EYA2: variants seen among roughly 807,000 people sequenced by gnomAD.
EYA2 encodes the protein protein phosphatase EYA2.
EYA2 carries 31 observed loss-of-function variants against 69.2 expected under a neutral mutation model. That is an observed-to-expected ratio of 0.45 (90% CI 0.34 to 0.60). The LOEUF is 0.60. Among genes scored for constraint, EYA2 ranks in the 20% least tolerant of loss-of-function variants. The pLI is 0.02. For missense variants in EYA2, 622 were observed against 701.2 expected, an observed-to-expected ratio of 0.89 and a Z score of 1.28; for synonymous variants, 257 against 279.4, an observed-to-expected ratio of 0.92 and a Z score of 0.80.
At chr20:46,902,521 C>T (rs1289170442) in intron 1 of EYA2, among the ~76,000 whole-genome samples, 1 of 152,206 alleles carries the variant, frequency 6.6e-6, no homozygotes, top group Non-Finnish European at 1.5e-5. Flanking sequence ...GGATTAAACC[C>T]AGTTTTGATT....
chr20:47,187,349 AAAAGAAAG>A (rs569873268), intron 15 of EYA2, among the ~76,000 whole-genome samples: 12 of 151,572 alleles, frequency 7.9e-5, no homozygotes, highest in Non-Finnish European at 1.8e-4. Context: ...AGCCTGTCTC[AAAAGAAAG>A]AAAGAAAGAA....
intron 11 of EYA2, among the ~76,000 whole-genome samples, chr20:47,171,029 C>T (rs2034309442): frequency 6.6e-6 from 1 of 152,236 alleles, no homozygotes. Context: ...TCAGGACTGG[C>T]AAGGAGCAAA....
At position 47,020,955 on chromosome 20, in the gene EYA2, G is replaced by A. The variant is rs111981801; in HGVS notation, c.415+4658G>A. Among the ~76,000 whole-genome samples the A allele has an allele frequency of 2.5e-4, 38 of 152,160 alleles. 2 individuals carry two copies. The highest frequency in any genetic ancestry group is 8.4e-4 in the African/African-American group (35 of 41,506). On this transcript the variant is annotated intron_variant, in intron 5 of 15. Transcript: ENST00000327619. ...TCAGGTTGAGTTAACCTCCAAATAC[G>A]GCTGCAAACCAGCCCTGTGACCTTG... is the stretch of plus-strand genomic sequence containing the variant.
At chr20:46,986,098 T>C (rs926579396) in intron 1 of EYA2, among the ~76,000 whole-genome samples, 3 of 152,014 alleles carry the variant, frequency 2.0e-5, no homozygotes, top group Non-Finnish European at 4.4e-5. Flanking sequence ...ATACAATGTC[T>C]ACCATTTGCT....
At chr20:47,102,091 C>A (rs1335369101) in intron 9 of EYA2, among the ~76,000 whole-genome samples, 2 of 152,212 alleles carry the variant, frequency 1.3e-5, no homozygotes, top group African/African-American at 4.8e-5. Context: ...GATGTTTAAG[C>A]AATGTTCTTA....
At chr20:46,926,489 G>C (rs1047880169) in intron 1 of EYA2, among the ~76,000 whole-genome samples, 2 of 152,184 alleles carry the variant, frequency 1.3e-5, no homozygotes, top group African/African-American at 4.8e-5. Flanking sequence ...GAAAAGAAGG[G>C]AGAAATTCCT....
intron 1 of EYA2, among the ~76,000 whole-genome samples, chr20:46,902,986 T>C (rs1984187931): frequency 6.6e-6 from 1 of 152,252 alleles, no homozygotes; most frequent in African/African-American, 2.4e-5. Context: ...GGACATTTCG[T>C]ATACCATTTC....
At chr20:47,055,563 C>G (rs1366867142) in intron 5 of EYA2, among the ~76,000 whole-genome samples, 1 of 152,182 alleles carries the variant, frequency 6.6e-6, no homozygotes, top group Non-Finnish European at 1.5e-5. Flanking sequence ...GATGACCTCT[C>G]TGACCTCCTC....
chr20:47,082,510 A>C (rs898199778), intron 7 of EYA2, among the ~76,000 whole-genome samples: 1 of 152,236 alleles, frequency 6.6e-6, no homozygotes, highest in Non-Finnish European at 1.5e-5. Flanking sequence ...CTCAAGGTTA[A>C]ATTTGGCAAA....
intron 1 of EYA2, among the ~76,000 whole-genome samples, chr20:46,922,586 G>A (rs749739908): frequency 2.0e-5 from 3 of 152,102 alleles, no homozygotes; most frequent in African/African-American, 4.8e-5. Flanking sequence ...CTAATAAATA[G>A]GTAAATAAGT....
intron 12 of EYA2, among the ~76,000 whole-genome samples, chr20:47,175,859 C>T (rs1213280304): frequency 1.3e-5 from 2 of 152,244 alleles, no homozygotes; most frequent in Admixed American, 6.5e-5. Context: ...AAACCAGAGG[C>T]CGTGTGTTCT....
intron 1 of EYA2, among the ~76,000 whole-genome samples, chr20:46,899,770 G>A (rs2146209130): frequency 6.6e-6 from 1 of 152,336 alleles, no homozygotes; most frequent in East Asian, 1.9e-4. Context: ...CGGGTCAGTG[G>A]GGGCTGAGAG....
At chr20:46,987,964 C>CTATATATATATATATATA (rs71183225) in intron 1 of EYA2, among the ~76,000 whole-genome samples, 11 of 11,266 alleles carry the variant, frequency 9.8e-4, no homozygotes, top group Admixed American at 1.5e-3. Context: ...CTCTCTCTCT[C>CTATATATATATATATATA]TATATATATA....
chr20:46,910,639 G>C (rs1984598254), intron 1 of EYA2, among the ~76,000 whole-genome samples: 3 of 152,162 alleles, frequency 2.0e-5, no homozygotes, highest in Admixed American at 2.0e-4. Flanking sequence ...TGGTCAGCCT[G>C]GATTTCTTTT....
At chr20:46,987,964 C>CTCTCTATATA (rs1555809797) in intron 1 of EYA2, among the ~76,000 whole-genome samples, 8 of 11,270 alleles carry the variant, frequency 7.1e-4, no homozygotes, top group Non-Finnish European at 8.4e-4. Context: ...CTCTCTCTCT[C>CTCTCTATATA]TATATATATA....
chr20:47,144,172 A>G (rs954162822), intron 10 of EYA2, among the ~76,000 whole-genome samples: 24 of 152,292 alleles, frequency 1.6e-4, no homozygotes, highest in African/African-American at 5.3e-4. Flanking sequence ...CCTGGCTAAC[A>G]TGGCGAAACC....
Position 47,100,505 on chromosome 20 carries a change from T to G in EYA2, c.888+3337T>G, listed in dbSNP as rs1347888727. Among the ~76,000 whole-genome samples, 3 of 152,294 alleles carry G rather than the reference T, an allele frequency of 2.0e-5. No individual in the cohort carries two copies. In the East Asian group the frequency reaches 5.8e-4, roughly 29 times the overall value. On this transcript the variant is annotated intron_variant, in intron 9 of 15. Transcript: ENST00000327619. The stretch of plus-strand genomic sequence containing the variant: ...CTAGAATTACAGAATCATAGAAGAT[T>G]AGAGCTGGAAGGACTTGAGAGATCA...
chr20:47,072,172 C>T lies in EYA2; in HGVS notation c.416-13C>T. 1 of 1,611,388 alleles carries T rather than the reference C, an allele frequency of 6.2e-7. No individual in the cohort carries two copies. Among genetic ancestry groups the T allele is most frequent in the Non-Finnish European group, 8.5e-7 (1 of 1,178,418 alleles). On this transcript the variant is annotated splice_polypyrimidine_tract_variant and intron_variant, in intron 5 of 15. Transcript: ENST00000327619. ...AGAACCCTAACCTGTACCCCTGTTC[C>T]TCCTTCCCACAGGCACAACAGGGTT...
intron 5 of EYA2, among the ~76,000 whole-genome samples, chr20:47,057,039 CTGT>C (rs1409788692): frequency 8.3e-6 from 1 of 119,812 alleles, no homozygotes; most frequent in Admixed American, 1.1e-4. Context: ...GAGTGAGGCA[CTGT>C]TGAAAGAAAG....
Sources: gnomAD v4.1 joint callset for allele counts (sites outside exome capture counted in the v4.1 genomes callset) on GRCh38, gnomAD v4.1.1 for gene constraint, MANE v1.5 for transcripts, NCBI Gene and HGNC (gene_info 2026-07-23, HGNC 2026-07-21) for gene names.